Variants in KLF8 observed in about 807,000 individuals in gnomAD.
The protein encoded by KLF8 is KLF transcription factor 8, also known as Krueppel-like factor 8.
KLF8 carries 10 observed loss-of-function variants against 18.2 expected under a neutral mutation model. That is an observed-to-expected ratio of 0.55 (90% CI 0.34 to 0.93). The LOEUF (loss-of-function observed/expected upper bound fraction) is 0.93, where lower values mean the gene tolerates loss of function less well. Among genes scored for constraint, KLF8 ranks in the 40% least tolerant of loss-of-function variants. The pLI is 0.02. For missense variants in KLF8, 264 were observed against 277.9 expected (o/e 0.95, Z 0.36); for synonymous variants, 109 against 97.3 (o/e 1.12, Z -0.71).
the KLF8 span, among the ~76,000 whole-genome samples, chrX:55,965,045 T>C: frequency 2.7e-5 from 3 of 111,602 alleles, no homozygotes; most frequent in African/African-American, 6.5e-5. Flanking sequence ...TCTTCCTAAT[T>C]CATTCTATGA....
At chrX:55,942,008 C>T in the KLF8 span, among the ~76,000 whole-genome samples, 1 of 111,348 alleles carries the variant, frequency 9.0e-6, no homozygotes, top group African/African-American at 3.3e-5. Context: ...CCAGCCATCC[C>T]ATTACTGAGT....
chrX:55,993,622 G>A, the KLF8 span, among the ~76,000 whole-genome samples: 6 of 112,195 alleles, frequency 5.3e-5, no homozygotes, highest in Admixed American at 9.5e-5. Context: ...CTTATAAAAT[G>A]TGGTAGGGAG....
chrX:56,046,939 T>G, the KLF8 span, among the ~76,000 whole-genome samples: 1 of 111,951 alleles, frequency 8.9e-6, no homozygotes, highest in African/African-American at 3.2e-5. Flanking sequence ...TTTACCTCGA[T>G]TATTCCCTCC....
At chrX:55,933,019 T>C in the KLF8 span, among the ~76,000 whole-genome samples, 1 of 112,020 alleles carries the variant, frequency 8.9e-6, no homozygotes, top group Non-Finnish European at 1.9e-5. Flanking sequence ...ATTTCAGTGT[T>C]TAAATGTTTT....
At chrX:56,137,207 A>G in the KLF8 span, among the ~76,000 whole-genome samples, 4 of 109,489 alleles carry the variant, frequency 3.7e-5, no homozygotes, top group East Asian at 2.9e-4. Flanking sequence ...TGATTCCTCA[A>G]GGATCTAGAA....
chrX:56,137,401 T>C, the KLF8 span, among the ~76,000 whole-genome samples: 13 of 105,821 alleles, frequency 1.2e-4, no homozygotes, highest in African/African-American at 4.2e-4. Context: ...GTGGCACATA[T>C]ACACCATGGA....
intron 5 of KLF8, among the ~76,000 whole-genome samples, chrX:56,273,138 TA>T (rs756011320): frequency 2.0e-3 from 221 of 111,952 alleles, no homozygotes; most frequent in Non-Finnish European, 3.2e-3. Context: ...ACTATCACTT[TA>T]CAACCTAATC....
the KLF8 span, among the ~76,000 whole-genome samples, chrX:56,219,848 T>C: frequency 9.0e-6 from 1 of 111,411 alleles, no homozygotes; most frequent in South Asian, 3.8e-4. Context: ...CCAGACTGTC[T>C]CAAAAAAAGA....
rs753727815 is a variant in KLF8 at position 56,265,688 on chromosome X, G to A, written c.590G>A (p.Gly197Asp). The A allele has an allele frequency of 8.3e-7, 1 of 1,207,679 alleles. No individual in the cohort carries two copies. Among genetic ancestry groups the A allele is most frequent in the Non-Finnish European group, 1.1e-6 (1 of 894,849 alleles). ...MVYTTLPADG[G>D]PAAITVPLIG... ...TATACTACTTTGCCTGCAGATGGGGGCCCTGCAGCCATTACAGTCCCACTC... is the reference window on the plus strand; with the variant it reads ...TATACTACTTTGCCTGCAGATGGGGACCCTGCAGCCATTACAGTCCCACTC... The change falls in exon 3 of 6, where the codon GGC (glycine) becomes GAC (aspartate). Residue 197 changes from glycine (G) to aspartate (D), a missense_variant. Coordinates refer to ENST00000468660, the MANE Select transcript of KLF8 (RefSeq NM_007250.5).
chrX:56,175,221 C>A, the KLF8 span, among the ~76,000 whole-genome samples: 1 of 111,923 alleles, frequency 8.9e-6, no homozygotes, highest in African/African-American at 3.2e-5. Context: ...CCTGCTTTCT[C>A]TTGTGGGCAT....
chrX:56,168,440 T>C, the KLF8 span, among the ~76,000 whole-genome samples: 2 of 112,147 alleles, frequency 1.8e-5, no homozygotes, highest in Non-Finnish European at 3.8e-5. Flanking sequence ...TGTCCATGGG[T>C]TAGACAAATT....
the KLF8 span, among the ~76,000 whole-genome samples, chrX:56,152,684 G>A: frequency 2.7e-5 from 3 of 111,482 alleles, no homozygotes; most frequent in East Asian, 8.5e-4. Context: ...ATCAAAGGTA[G>A]TGCTTTATTT....
chrX:56,172,797 T>C, the KLF8 span, among the ~76,000 whole-genome samples: 4 of 112,013 alleles, frequency 3.6e-5, no homozygotes, highest in Non-Finnish European at 7.5e-5. Flanking sequence ...TAATCGCCAT[T>C]GTAACTGGTG....
the KLF8 span, among the ~76,000 whole-genome samples, chrX:55,944,092 G>T: frequency 8.9e-6 from 1 of 111,869 alleles, no homozygotes; most frequent in Admixed American, 9.6e-5. Context: ...AGATAATCAT[G>T]TGGTTTTTGT....
At chrX:56,283,896 G>C (rs751756403) in intron 5 of KLF8, among the ~76,000 whole-genome samples, 1 of 112,056 alleles carries the variant, frequency 8.9e-6, no homozygotes, top group African/African-American at 3.2e-5. Flanking sequence ...GTTTGTAGTA[G>C]AGCCGGATCA....
At chrX:55,989,665 T>C in the KLF8 span, among the ~76,000 whole-genome samples, 9 of 110,997 alleles carry the variant, frequency 8.1e-5, no homozygotes, top group Non-Finnish European at 1.5e-4. Flanking sequence ...AAAATTCTCT[T>C]TTTTTTGTTG....
At chrX:56,268,429 G>GT (rs914279332) in intron 3 of KLF8, 1 of 111,996 alleles carries the variant, frequency 8.9e-6, no homozygotes, top group African/African-American at 3.3e-5. Context: ...TCAACAGTGT[G>GT]TAAGTGTTCC....
At chrX:56,201,995 C>T in the KLF8 span, among the ~76,000 whole-genome samples, 2 of 111,301 alleles carry the variant, frequency 1.8e-5, no homozygotes, top group African/African-American at 6.5e-5. Context: ...TCAGGACTCT[C>T]TTGGGATTCG....
At chrX:56,115,640 A>G in the KLF8 span, among the ~76,000 whole-genome samples, 7 of 111,785 alleles carry the variant, frequency 6.3e-5, no homozygotes, top group Admixed American at 1.9e-4. Flanking sequence ...GTAGTAAAAT[A>G]TCTTTCAGTG....
Sources: allele counts gnomAD v4.1 joint callset (sites outside exome capture counted in the v4.1 genomes callset), GRCh38; gene constraint gnomAD v4.1.1; transcripts MANE v1.5; gene names NCBI Gene and HGNC (gene_info 2026-07-23, HGNC 2026-07-21).